The following SORCS2 variants were observed in gnomAD, a reference collection of about 807,000 sequenced individuals.
SORCS2 encodes the protein VPS10 domain-containing receptor SorCS2.
In SORCS2, 100 loss-of-function variants were observed where a neutral mutation model predicts 141.6. That is an observed-to-expected ratio of 0.71 (90% confidence interval 0.60 to 0.83). The LOEUF (loss-of-function observed/expected upper bound fraction) is 0.83. Ranked by LOEUF, SORCS2 falls within the 40% of genes least tolerant of loss-of-function variation. SORCS2 has a pLI of 0.00. For missense variants in SORCS2, 1,646 were observed against 1,560.2 expected (o/e 1.05, Z -0.93); for synonymous variants, 789 against 676.9 (o/e 1.17, Z -2.57).
chr4:7,452,950 CTGTGTGTTGGGGTCAGGTGCTG>C (rs1728573897), intron 2 of SORCS2, among the ~76,000 whole-genome samples: 1 of 120,164 alleles, frequency 8.3e-6, no homozygotes, highest in African/African-American at 3.4e-5. Context: ...GGGTCAGGTG[CTGTGTGTTGGGGTCAGGTGCTG>C]TGTGTTGGGG....
intron 3 of SORCS2, among the ~76,000 whole-genome samples, chr4:7,554,245 C>A (rs902000994): frequency 3.9e-5 from 6 of 152,314 alleles, no homozygotes; most frequent in African/African-American, 1.4e-4. Flanking sequence ...CAGAGTCTGG[C>A]AGGATGCACT....
rs562782747 is a variant in SORCS2 at position 7,650,992 on chromosome 4, C to G, written c.814-3142C>G. Among the ~76,000 whole-genome samples the G allele has an allele frequency of 2.1e-4, 32 of 152,236 alleles. 1 individual carries two copies. The South Asian group carries it at 6.0e-3, about 29-fold the overall frequency. ...CGGACCGTATTGCACCAATACAGCC[C>G]CTACCCCCAGAGGGGCAGCTGGCAA... On this transcript the variant is annotated intron_variant, in intron 4 of 26. Transcript: ENST00000507866.
At chr4:7,374,932 A>C (rs1722543492) in intron 1 of SORCS2, among the ~76,000 whole-genome samples, 1 of 152,126 alleles carries the variant, frequency 6.6e-6, no homozygotes, top group Non-Finnish European at 1.5e-5. Context: ...TCACCTTTAC[A>C]GTGGACACTT....
At chr4:7,726,575 A>T (rs1727233172) in intron 20 of SORCS2, among the ~76,000 whole-genome samples, 1 of 151,444 alleles carries the variant, frequency 6.6e-6, no homozygotes, top group African/African-American at 2.4e-5. Context: ...CTCTGTCTCA[A>T]AATAAAATAA....
intron 2 of SORCS2, among the ~76,000 whole-genome samples, chr4:7,510,765 A>G (rs557836505): frequency 1.1e-5 from 1 of 87,436 alleles, no homozygotes; most frequent in East Asian, 4.9e-4. Context: ...AGATACCCGC[A>G]TGGACCGACG....
chr4:7,698,651 T>G (rs929606795), intron 12 of SORCS2, among the ~76,000 whole-genome samples: 1 of 152,222 alleles, frequency 6.6e-6, no homozygotes, highest in African/African-American at 2.4e-5. Context: ...TTTGCTTAGA[T>G]TTCAAACTTG....
intron 5 of SORCS2, among the ~76,000 whole-genome samples, chr4:7,656,638 G>A (rs1435552693): frequency 2.0e-5 from 3 of 152,242 alleles, no homozygotes; most frequent in African/African-American, 7.2e-5. Flanking sequence ...CACTCTGCTG[G>A]GTGGTCTGGC....
rs6848984 is a variant in SORCS2 at position 7,734,922 on chromosome 4, G to C, written c.3311+548G>C. ...TGAGGGAGCTGCTTGTGCCGAGGCT[G>C]GGGTGAGGTGGCAAGAACAGTGTTT... is the stretch of plus-strand genomic sequence containing the variant. On this transcript the variant is annotated intron_variant, in intron 25 of 26. Coordinates refer to ENST00000507866, the MANE Select transcript of SORCS2 (RefSeq NM_020777.3). Among the ~76,000 whole-genome samples the C allele has an allele frequency of 5.8e-3, 888 of 152,218 alleles. 3 individuals are homozygous for C. The highest frequency in any genetic ancestry group is 9.8e-3 in the Non-Finnish European group (667 of 67,998).
intron 1 of SORCS2, among the ~76,000 whole-genome samples, chr4:7,209,459 A>G (rs960252690): frequency 8.5e-5 from 13 of 152,066 alleles, no homozygotes; most frequent in Admixed American, 7.9e-4. Context: ...CTCTCTCTTT[A>G]GGAAGCTACC....
Position 7,424,864 on chromosome 4 carries a change from C to T in SORCS2, c.548+28509C>T, listed in dbSNP as rs965234384. 5.5e-4 allele frequency among the ~76,000 whole-genome samples: 84 copies of T among 152,224 alleles called. 5 individuals are homozygous for T. The highest frequency in any genetic ancestry group is 1.0e-4 in the Non-Finnish European group (7 of 68,044). On this transcript the variant is annotated intron_variant, in intron 2 of 26. Coordinates refer to ENST00000507866, the MANE Select transcript of SORCS2 (RefSeq NM_020777.3). The stretch of plus-strand genomic sequence containing the variant: ...TTGGGGCCTGCCCTAAAATCAAGGC[C>T]TGAGGGACATTGGACCACACAGTGC...
intron 3 of SORCS2, among the ~76,000 whole-genome samples, chr4:7,544,163 T>TCCATCCACTCAC (rs1260493794): frequency 6.6e-6 from 1 of 151,942 alleles, no homozygotes; most frequent in African/African-American, 2.4e-5. Context: ...CATCCACTCA[T>TCCATCCACTCAC]CCATCCACTC....
intron 1 of SORCS2, among the ~76,000 whole-genome samples, chr4:7,247,932 C>T (rs1171699753): frequency 6.6e-6 from 1 of 152,246 alleles, no homozygotes; most frequent in East Asian, 1.9e-4. Flanking sequence ...GTCCTGTCAG[C>T]AACGGGATCC....
chr4:7,623,437 C>T (rs1310337042), intron 3 of SORCS2, among the ~76,000 whole-genome samples: 1 of 152,132 alleles, frequency 6.6e-6, no homozygotes, highest in African/African-American at 2.4e-5. Flanking sequence ...GGTCCTCCCC[C>T]TGCCTCTCTG....
At chr4:7,450,641 C>G (rs1232312254) in intron 2 of SORCS2, among the ~76,000 whole-genome samples, 3 of 152,238 alleles carry the variant, frequency 2.0e-5, no homozygotes, top group Admixed American at 6.5e-5. Flanking sequence ...TGAGCTCCAG[C>G]ACCTGTATGA....
chr4:7,726,786 C>T lies in SORCS2; in HGVS notation c.2752C>T (p.Leu918Phe). The T allele has an allele frequency of 6.2e-7, 1 of 1,613,514 alleles. No individual in the cohort carries two copies. Among genetic ancestry groups the T allele is most frequent in the Non-Finnish European group, 8.5e-7 (1 of 1,179,710 alleles). Residue 918 changes from leucine to phenylalanine, a missense_variant, in exon 21 of 27, where the codon CTT (leucine) becomes TTT (phenylalanine). Coordinates refer to ENST00000507866, the MANE Select transcript of SORCS2 (RefSeq NM_020777.3). Reference sequence around the variant, plus strand: ...CCCTGCTGTGCCCCTGCAGCCCCTCCTTTCCCTGGATAATTCTGTGACAAC... The same window carrying T: ...CCCTGCTGTGCCCCTGCAGCCCCTCTTTTCCCTGGATAATTCTGTGACAAC... ...WWIGHSLQPLLSLDNSVTTRF... is the reference protein window; with the variant it reads ...WWIGHSLQPLFSLDNSVTTRF...
chr4:7,573,401 T>G (rs1056638414), intron 3 of SORCS2, among the ~76,000 whole-genome samples: 1 of 152,214 alleles, frequency 6.6e-6, no homozygotes, highest in Non-Finnish European at 1.5e-5. Context: ...GGTGCCAATG[T>G]CAGTCTGGTT....
At chr4:7,552,416 C>T (rs1223473326) in intron 3 of SORCS2, among the ~76,000 whole-genome samples, 1 of 152,104 alleles carries the variant, frequency 6.6e-6, no homozygotes, top group Non-Finnish European at 1.5e-5. Context: ...GAGGGCTGCC[C>T]ACACAGAGGC....
chr4:7,526,601 T>C (rs1038646640), intron 2 of SORCS2, among the ~76,000 whole-genome samples: 5 of 152,272 alleles, frequency 3.3e-5, no homozygotes, highest in African/African-American at 7.2e-5. Context: ...GGCCCTGTCA[T>C]TCTACAGGTG....
At chr4:7,711,463 C>T (rs760820285) in intron 14 of SORCS2, among the ~76,000 whole-genome samples, 2 of 152,218 alleles carry the variant, frequency 1.3e-5, no homozygotes, top group Non-Finnish European at 2.9e-5. Flanking sequence ...ATCACCTCCC[C>T]GACCCAGATG....
Sources: allele counts gnomAD v4.1 joint callset (sites outside exome capture counted in the v4.1 genomes callset), GRCh38; gene constraint gnomAD v4.1.1; transcripts MANE v1.5; gene names NCBI Gene and HGNC (gene_info 2026-07-23, HGNC 2026-07-21).